MYL4: variants seen among roughly 807,000 people sequenced by gnomAD.
MYL4 encodes the protein myosin light chain 4.
In MYL4, 16 loss-of-function variants were observed where a neutral mutation model predicts 21.6. The observed-to-expected ratio is 0.74, with a 90% CI of 0.50 to 1.12. The LOEUF (loss-of-function observed/expected upper bound fraction) is 1.12. MYL4 is among the 50% of genes most tolerant of loss of function. MYL4 has a pLI of 0.00. For synonymous variants in MYL4, 82 were observed against 95.7 expected, an observed-to-expected ratio of 0.86 and a Z score of 0.83; for missense variants, 249 against 252.9, an observed-to-expected ratio of 0.98 and a Z score of 0.11.
At chr17:47,190,506 T>G in the MYL4 span, among the ~76,000 whole-genome samples, 1 of 152,258 alleles carries the variant, frequency 6.6e-6, no homozygotes, top group Non-Finnish European at 1.5e-5. Flanking sequence ...AGAATCATGA[T>G]ATATTCCATT....
At chr17:47,199,981 T>G (rs1364929962), upstream of MYL4, among the ~76,000 whole-genome samples, 1 of 151,252 alleles carries the variant, frequency 6.6e-6, no homozygotes, top group Non-Finnish European at 1.5e-5. Flanking sequence ...GCTCAAGCGA[T>G]CCACCTGCCT....
chr17:47,191,680 AG>A, the MYL4 span, among the ~76,000 whole-genome samples: 1 of 152,170 alleles, frequency 6.6e-6, no homozygotes, highest in African/African-American at 2.4e-5. Context: ...CATGTTGGCC[AG>A]GCTGGTCTCA....
Position 47,220,027 on chromosome 17 carries a change from G to C in MYL4, c.287G>C (p.Arg96Pro). ...AACCCTACCAATGCCGAGGTGCTGC[G>C]TGTGCTGGGCAAGCCCAAGCCTGAA... is the stretch of plus-strand genomic sequence containing the variant. ...GQNPTNAEVLRVLGKPKPEEM... is the reference protein window; with the variant it reads ...GQNPTNAEVLPVLGKPKPEEM... The change falls in exon 3 of 7, where the codon CGT becomes CCT. Residue 96 changes from arginine (R) to proline (P), a missense_variant. Coordinates refer to ENST00000393450, the MANE Select transcript of MYL4 (RefSeq NM_002476.2). 1 of 1,613,980 alleles carries C rather than the reference G, an allele frequency of 6.2e-7. No individual in the cohort carries two copies. Among genetic ancestry groups the C allele is most frequent in the Non-Finnish European group, 8.5e-7 (1 of 1,179,906 alleles).
intron 1 of MYL4, among the ~76,000 whole-genome samples, chr17:47,212,204 G>T (rs191846769): frequency 6.6e-6 from 1 of 152,158 alleles, no homozygotes; most frequent in South Asian, 2.1e-4. Flanking sequence ...TGACAAGTGC[G>T]AAACTCCATC....
At chr17:47,218,859 C>T (rs1567748642) in intron 2 of MYL4, among the ~76,000 whole-genome samples, 1 of 152,184 alleles carries the variant, frequency 6.6e-6, no homozygotes, top group East Asian at 1.9e-4. Context: ...ACCAGGAGTG[C>T]CTTCCTTTGG....
At chr17:47,211,806 G>T (rs1207775809) in intron 1 of MYL4, among the ~76,000 whole-genome samples, 2 of 147,184 alleles carry the variant, frequency 1.4e-5, no homozygotes, top group East Asian at 4.4e-4. Context: ...TTAGGACTAG[G>T]AATGACGGCA....
rs2064841147 is a variant in MYL4 at position 47,219,826 on chromosome 17, C to T, written c.164-78C>T. 2.6e-6 allele frequency: 4 copies of T among 1,558,324 alleles called. No individual in the cohort carries two copies. The Admixed American group carries it at 5.0e-5, about 20-fold the overall frequency. Reference sequence around the variant, plus strand: ...ACAACCACACTCACCTGCTATTCAGCTTGGGTGGAGGCTGATTGGCCACCA... The same window carrying T: ...ACAACCACACTCACCTGCTATTCAGTTTGGGTGGAGGCTGATTGGCCACCA... On this transcript the variant is annotated intron_variant, in intron 2 of 6. Transcript: ENST00000393450.
chr17:47,199,737 C>CTTTTTTTT (rs33975035), upstream of MYL4, among the ~76,000 whole-genome samples: 1 of 101,278 alleles, frequency 9.9e-6, no homozygotes, highest in African/African-American at 3.8e-5. Flanking sequence ...GTAGTAAAGT[C>CTTTTTTTT]TTTTTTTTTT....
chr17:47,223,060 G>A lies in MYL4; in HGVS notation c.*15+3G>A. On this transcript the variant is annotated splice_donor_region_variant and intron_variant, in intron 6 of 6. Transcript: ENST00000393450. Reference sequence around the variant, plus strand: ...CAGGGTGAAGCAGAGTCTTCCAGGTGAGTGCAGCCTCTCCCTCCTGGTCCC... The same window carrying A: ...CAGGGTGAAGCAGAGTCTTCCAGGTAAGTGCAGCCTCTCCCTCCTGGTCCC... The A allele has an allele frequency of 3.7e-6, 6 of 1,614,148 alleles. No individual in the cohort carries two copies. The highest frequency in any genetic ancestry group is 5.1e-6 in the Non-Finnish European group (6 of 1,180,006).
At chr17:47,222,566 G>T in intron 5 of MYL4, 109 bp downstream of exon 5, 3 of 900,774 alleles carry the variant, frequency 3.3e-6, no homozygotes, top group Non-Finnish European at 3.5e-6. Context: ...GTGGGTTTTT[G>T]TAGACCCCCC....
intron 6 of MYL4, 195 bp downstream of exon 6, chr17:47,223,252 G>A (rs921763333): frequency 1.7e-6 from 1 of 598,814 alleles, no homozygotes; most frequent in Admixed American, 3.0e-5. Flanking sequence ...ACCCTGTCTT[G>A]ACCCTATCAG....
At chr17:47,202,681 G>T (rs1263198713) in intron 1 of MYL4, among the ~76,000 whole-genome samples, 1 of 150,388 alleles carries the variant, frequency 6.6e-6, no homozygotes, top group Non-Finnish European at 1.5e-5. Flanking sequence ...AAGAGGTATT[G>T]TATAAATTGA....
chr17:47,226,752 G>A (rs181742811), downstream of MYL4, among the ~76,000 whole-genome samples: 178 of 152,294 alleles, frequency 1.2e-3, no homozygotes, highest in African/African-American at 3.8e-3. Context: ...TTCTTTTATC[G>A]TATGGTGTCT....
intron 6 of MYL4, 167 bp downstream of exon 6, chr17:47,223,224 G>C: frequency 1.6e-6 from 1 of 642,954 alleles, no homozygotes; most frequent in Non-Finnish European, 2.7e-6. Flanking sequence ...CCTGTCTCCT[G>C]CCTGCCCTTG....
At chr17:47,195,354 C>T in the MYL4 span, among the ~76,000 whole-genome samples, 33 of 152,006 alleles carry the variant, frequency 2.2e-4, no homozygotes, top group African/African-American at 7.7e-4. Flanking sequence ...CTCAGCCTCC[C>T]AAGTAGCTGG....
At chr17:47,212,041 A>G (rs1285700928) in intron 1 of MYL4, among the ~76,000 whole-genome samples, 1 of 152,194 alleles carries the variant, frequency 6.6e-6, no homozygotes, top group East Asian at 1.9e-4. Context: ...CCTAGCCAAC[A>G]TGGTGAAACC....
rs145051899 is a variant in MYL4 at position 47,216,600 on chromosome 17, T to A, written c.163+2774T>A. 1.4e-3 allele frequency among the ~76,000 whole-genome samples: 206 copies of A among 152,322 alleles called. 1 individual carries two copies. The highest frequency in any genetic ancestry group is 4.8e-3 in the African/African-American group (198 of 41,584). On this transcript the variant is annotated intron_variant, in intron 2 of 6. Coordinates refer to ENST00000393450, the MANE Select transcript of MYL4 (RefSeq NM_002476.2). The stretch of plus-strand genomic sequence containing the variant: ...AATTATTTGCTCAGATCCTGGTTCA[T>A]GGTAAGTGCTCAAATTATAGGTCAT...
the MYL4 span, among the ~76,000 whole-genome samples, chr17:47,189,983 A>T: frequency 6.6e-6 from 1 of 152,220 alleles, no homozygotes; most frequent in African/African-American, 2.4e-5. Flanking sequence ...AGGAAAAAAA[A>T]GTTTAAAATG....
At chr17:47,215,900 T>G (rs2064809944) in intron 2 of MYL4, among the ~76,000 whole-genome samples, 1 of 152,078 alleles carries the variant, frequency 6.6e-6, no homozygotes, top group Non-Finnish European at 1.5e-5. Context: ...AAGCAATCCT[T>G]TCACCTCAGT....
Sources: allele counts gnomAD v4.1 joint callset (sites outside exome capture counted in the v4.1 genomes callset), GRCh38; gene constraint gnomAD v4.1.1; transcripts MANE v1.5; gene names NCBI Gene and HGNC (gene_info 2026-07-23, HGNC 2026-07-21).